Variants in FRMD4B observed in about 807,000 individuals in gnomAD.
FRMD4B encodes the protein FERM domain containing 4B.
Under a neutral mutation model 141.5 loss-of-function variants are expected in FRMD4B, and 74 were observed. That is an observed-to-expected ratio of 0.52 (90% CI 0.43 to 0.63). FRMD4B has a LOEUF of 0.63. Ranked by LOEUF, FRMD4B falls within the 30% of genes least tolerant of loss-of-function variation. FRMD4B has a pLI of 0.00. For missense variants in FRMD4B, 1,366 were observed against 1,253.4 expected, an observed-to-expected ratio of 1.09 and a Z score of -1.36; for synonymous variants, 506 against 467.9, an observed-to-expected ratio of 1.08 and a Z score of -1.05.
chr3:69,426,453 C>T (rs1559524579), intron 2 of FRMD4B, among the ~76,000 whole-genome samples: 1 of 152,058 alleles, frequency 6.6e-6, no homozygotes, highest in South Asian at 2.1e-4. Flanking sequence ...AGTTTTCTCA[C>T]GTTAATACCA....
At chr3:69,279,217 T>C (rs867026630) in intron 5 of FRMD4B, among the ~76,000 whole-genome samples, 15 of 152,202 alleles carry the variant, frequency 9.9e-5, no homozygotes, top group African/African-American at 3.4e-4. Context: ...TGACCCTTAA[T>C]AGGAATGCAA....
At chr3:69,352,067 C>T (rs901040381) in intron 1 of FRMD4B, among the ~76,000 whole-genome samples, 3 of 152,188 alleles carry the variant, frequency 2.0e-5, no homozygotes, top group African/African-American at 7.2e-5. Flanking sequence ...GTGGAACACA[C>T]AGAGTATGCT....
chr3:69,248,664 A>C (rs528863265), intron 7 of FRMD4B, among the ~76,000 whole-genome samples: 44 of 152,292 alleles, frequency 2.9e-4, no homozygotes, highest in African/African-American at 1.0e-3. Context: ...AAAGGACAGA[A>C]TGGAGCAGGT....
At chr3:69,519,779 A>G (rs1187091690) in intron 1 of FRMD4B, among the ~76,000 whole-genome samples, 1 of 151,832 alleles carries the variant, frequency 6.6e-6, no homozygotes, top group African/African-American at 2.4e-5. Context: ...GTAGTCTTTT[A>G]TCCCTCACCC....
chr3:69,472,482 A>G, intron 1 of FRMD4B: 1 of 372,908 alleles, frequency 2.7e-6, no homozygotes. Flanking sequence ...TTGTAGTTAC[A>G]ACTGTTCTTT....
chr3:69,410,728 T>TAAATAA (rs1273401203), intron 2 of FRMD4B, among the ~76,000 whole-genome samples: 56 of 6,468 alleles, frequency 8.7e-3, no homozygotes, highest in African/African-American at 0.042. Context: ...AATAAATAAA[T>TAAATAA]ATATATATAT....
intron 1 of FRMD4B, among the ~76,000 whole-genome samples, chr3:69,506,721 G>C (rs925158575): frequency 6.6e-6 from 1 of 151,710 alleles, no homozygotes; most frequent in African/African-American, 2.4e-5. Context: ...TTTGGGGGGG[G>C]TGGGTAGAGG....
At chr3:69,536,108 C>T (rs2107169093) in intron 1 of FRMD4B, 3 of 472,406 alleles carry the variant, frequency 6.4e-6, no homozygotes, top group Non-Finnish European at 1.2e-5. Context: ...GCCTTGCTTG[C>T]CGGCCTTCTC....
chr3:69,404,250 A>G (rs183408526), intron 2 of FRMD4B, among the ~76,000 whole-genome samples: 4 of 152,362 alleles, frequency 2.6e-5, no homozygotes, highest in Admixed American at 1.3e-4. Context: ...AATAGAAAAT[A>G]CAGTGTGAGT....
At chr3:69,209,059 G>C (rs10865647) in intron 11 of FRMD4B, among the ~76,000 whole-genome samples, 105,669 of 151,700 alleles carry the variant, frequency 0.7, 38,356 homozygotes, top group Non-Finnish European at 0.79. Flanking sequence ...CAGAAGAATG[G>C]CTCGAACCTG....
chr3:69,218,880 A>T (rs1446006355), intron 9 of FRMD4B, among the ~76,000 whole-genome samples: 1 of 152,172 alleles, frequency 6.6e-6, no homozygotes, highest in Non-Finnish European at 1.5e-5. Context: ...ATGTCCCCCC[A>T]GGCTGGGCGC....
Position 69,311,273 on chromosome 3 carries a change from T to C in FRMD4B, c.313A>G (p.Ile105Val). 6.7e-7 allele frequency: 1 copy of C among 1,494,416 alleles called. No individual in the cohort carries two copies. Among genetic ancestry groups the C allele is most frequent in the Non-Finnish European group, 9.3e-7 (1 of 1,072,254 alleles). The allele number at this position is 1,494,416 out of a possible 1,614,324, so 92.6% of individuals were successfully genotyped here. A position where few individuals can be genotyped will look rare whatever the true frequency, so the allele number is the denominator to read the frequency against. ...TATTAAAGGACTTACGTGTCATCTA[T>C]GAATGTTATTCCAAAATACTCCTTT... is the stretch of plus-strand genomic sequence containing the variant. Reference protein sequence around the residue: ...KEKEYFGITFIDDTGQQNWLQ... With the variant: ...KEKEYFGITFVDDTGQQNWLQ... Residue 105 changes from isoleucine (I) to valine (V), a missense_variant, in exon 3 of 23, where the codon ATA (isoleucine) becomes GTA (valine). By Grantham distance (29) the Ile-to-Val change is conservative. Transcript: ENST00000398540.
At chr3:69,356,557 A>G (rs1703328610) in intron 1 of FRMD4B, among the ~76,000 whole-genome samples, 1 of 151,318 alleles carries the variant, frequency 6.6e-6, no homozygotes, top group South Asian at 2.1e-4. Context: ...AATACTTAAT[A>G]AACTCCCCTT....
At chr3:69,333,802 T>C (rs1224207425) in intron 1 of FRMD4B, among the ~76,000 whole-genome samples, 3 of 152,218 alleles carry the variant, frequency 2.0e-5, no homozygotes, top group African/African-American at 7.2e-5. Flanking sequence ...ACCTACTCTG[T>C]GCCAGGCTCT....
intron 5 of FRMD4B, among the ~76,000 whole-genome samples, chr3:69,281,641 T>C (rs2093644923): frequency 6.6e-6 from 1 of 151,808 alleles, no homozygotes; most frequent in Non-Finnish European, 1.5e-5. Context: ...CTGACCAACA[T>C]GGTGAAATCC....
chr3:69,446,487 C>T (rs547159371), intron 1 of FRMD4B, among the ~76,000 whole-genome samples: 1 of 152,070 alleles, frequency 6.6e-6, no homozygotes, highest in African/African-American at 2.4e-5. Context: ...CACACACCAC[C>T]ACACCTGGCT....
At chr3:69,510,226 G>T (rs537293232) in intron 1 of FRMD4B, among the ~76,000 whole-genome samples, 107 of 152,092 alleles carry the variant, frequency 7.0e-4, no homozygotes, top group Middle Eastern at 3.4e-3. Context: ...AGCGATTTTT[G>T]TTATTAGCTC....
intron 5 of FRMD4B, among the ~76,000 whole-genome samples, chr3:69,251,248 C>T (rs1481288918): frequency 6.6e-6 from 1 of 152,098 alleles, no homozygotes; most frequent in Non-Finnish European, 1.5e-5. Flanking sequence ...TGGAAATTGC[C>T]CTGCATTCTT....
intron 4 of FRMD4B, among the ~76,000 whole-genome samples, chr3:69,293,458 GTAGT>G (rs1455152258): frequency 1.1e-4 from 16 of 151,834 alleles, no homozygotes; most frequent in African/African-American, 3.6e-4. Flanking sequence ...CAGGTGGCAT[GTAGT>G]TTAGCAGCCA....
Sources: gnomAD v4.1 joint callset for allele counts (sites outside exome capture counted in the v4.1 genomes callset) on GRCh38, gnomAD v4.1.1 for gene constraint, MANE v1.5 for transcripts, NCBI Gene and HGNC (gene_info 2026-07-23, HGNC 2026-07-21) for gene names.